Variants in ATXN8OS observed in about 807,000 individuals in gnomAD.
The protein encoded by ATXN8OS is ATXN8 opposite strand (non-protein coding).
intron 2 of ATXN8OS, among the ~76,000 whole-genome samples, chr13:70,124,502 T>G (rs1215795894): frequency 6.6e-6 from 1 of 152,062 alleles, no homozygotes; most frequent in Non-Finnish European, 1.5e-5. Flanking sequence ...GACGGGAGTT[T>G]AGCAGTTACC....
chr13:70,130,505 G>T (rs549284433), intron 3 of ATXN8OS, among the ~76,000 whole-genome samples: 11 of 152,260 alleles, frequency 7.2e-5, no homozygotes, highest in African/African-American at 2.6e-4. Context: ...ATTGCAGGAA[G>T]AATGCGTGAT....
intron 2 of ATXN8OS, among the ~76,000 whole-genome samples, chr13:70,122,265 G>A (rs532090773): frequency 8.6e-5 from 13 of 151,898 alleles, no homozygotes; most frequent in South Asian, 6.2e-4. Context: ...TTCCTCTGAA[G>A]ATTAACTCAA....
rs533039887 is a variant in ATXN8OS at position 70,158,787 on chromosome 13, T to C, written n.574-10966T>C. Among the ~76,000 whole-genome samples the C allele has an allele frequency of 5.3e-5, 8 of 152,286 alleles. No individual in the cohort carries two copies. In the East Asian group the frequency reaches 1.5e-3, roughly 29 times the overall value. On this transcript the variant is annotated intron_variant and non_coding_transcript_variant, in intron 4 of 4. Transcript: ENST00000678624. The stretch of plus-strand genomic sequence containing the variant: ...TACTTTTCATATATCATGCAATATC[T>C]CTTGATTTTTGCCCTGACCGTTTAA...
intron 3 of ATXN8OS, among the ~76,000 whole-genome samples, chr13:70,141,140 C>T (rs535486559): frequency 3.9e-5 from 6 of 152,282 alleles, no homozygotes; most frequent in African/African-American, 1.2e-4. Flanking sequence ...CTAGTTCTTA[C>T]AGTAATTTTA....
intron 1 of ATXN8OS, chr13:70,108,203 A>G (rs1276281037): frequency 2.5e-6 from 1 of 395,686 alleles, no homozygotes; most frequent in Non-Finnish European, 4.4e-6. Context: ...GCAGAGAGAA[A>G]GAGCCCCAAG....
exon 1 of ATXN8OS, chr13:70,107,802 T>G (rs993877697): frequency 1.6e-5 from 13 of 836,836 alleles, no homozygotes; most frequent in Non-Finnish European, 2.0e-5. Context: ...AGAGGCGGGA[T>G]GCGCCCTCTG....
chr13:70,169,856 C>G (rs1472979583), exon 5 of ATXN8OS, among the ~76,000 whole-genome samples: 3 of 151,976 alleles, frequency 2.0e-5, no homozygotes, highest in Admixed American at 2.0e-4. Context: ...CTATTTGGGA[C>G]AAATATGAAG....
At chr13:70,144,712 T>C (rs1456912887) in intron 3 of ATXN8OS, among the ~76,000 whole-genome samples, 2 of 152,162 alleles carry the variant, frequency 1.3e-5, no homozygotes, top group Non-Finnish European at 2.9e-5. Context: ...ATTCATCTTA[T>C]CAATTTATTA....
intron 4 of ATXN8OS, among the ~76,000 whole-genome samples, chr13:70,148,031 G>A (rs1011510472): frequency 6.6e-6 from 1 of 152,152 alleles, no homozygotes; most frequent in Non-Finnish European, 1.5e-5. Context: ...CTGAAGAGTT[G>A]AAGTCAGCTT....
intron 4 of ATXN8OS, among the ~76,000 whole-genome samples, chr13:70,162,350 T>G (rs1593778344): frequency 6.6e-6 from 1 of 152,080 alleles, no homozygotes; most frequent in South Asian, 2.1e-4. Context: ...CTGAAGAACC[T>G]TTAGAGGAAG....
chr13:70,164,596 G>T (rs2137506831), intron 4 of ATXN8OS, among the ~76,000 whole-genome samples: 1 of 152,108 alleles, frequency 6.6e-6, no homozygotes, highest in Non-Finnish European at 1.5e-5. Context: ...ATAAGTGAAG[G>T]ATAAAATGTT....
intron 3 of ATXN8OS, chr13:70,130,588 G>A (rs1462858480): frequency 7.6e-6 from 3 of 397,284 alleles, no homozygotes; most frequent in Non-Finnish European, 1.3e-5. Flanking sequence ...TACCAATGGT[G>A]GGTGTGAGTT....
chr13:70,107,552 C>T, upstream of ATXN8OS: 2 of 1,608,830 alleles, frequency 1.2e-6, no homozygotes, highest in Non-Finnish European at 1.7e-6. Flanking sequence ...TGGCTGGGTC[C>T]CCAGTGCTCA....
intron 4 of ATXN8OS, among the ~76,000 whole-genome samples, chr13:70,163,196 T>A (rs1440399321): frequency 6.6e-6 from 1 of 152,154 alleles, no homozygotes; most frequent in Non-Finnish European, 1.5e-5. Context: ...TTAGCTCATT[T>A]AATAATCCAA....
intron 4 of ATXN8OS, among the ~76,000 whole-genome samples, chr13:70,159,283 A>G (rs925693387): frequency 2.6e-5 from 4 of 151,998 alleles, no homozygotes; most frequent in African/African-American, 7.2e-5. Flanking sequence ...TTTTCTATGT[A>G]CAAAATCATG....
rs527505289 is a variant in ATXN8OS, at chr13:70,125,785, GCA to G, written n.399-3996_399-3995del. 7.8e-4 allele frequency among the ~76,000 whole-genome samples: 118 copies of G among 152,242 alleles called. 1 individual carries two copies. The highest frequency in any genetic ancestry group is 2.7e-3 in the African/African-American group (111 of 41,552). ...TTGATGCCAGGGATGTTTCACTGATGCACAGTCAGCTGGTCTGTGCTGGCTTC... is the reference window on the plus strand; with the variant it reads ...TTGATGCCAGGGATGTTTCACTGATGCAGTCAGCTGGTCTGTGCTGGCTTC... On this transcript the variant is annotated intron_variant and non_coding_transcript_variant, in intron 2 of 4. Coordinates refer to ENST00000678624, the Ensembl canonical transcript of ATXN8OS.
intron 4 of ATXN8OS, among the ~76,000 whole-genome samples, chr13:70,153,014 C>CTGTGTGTGTGTGTGTG (rs66574752): frequency 7.1e-5 from 10 of 141,804 alleles, no homozygotes; most frequent in African/African-American, 1.3e-4. Flanking sequence ...TAAGAAAAAA[C>CTGTGTGTGTGTGTGTG]TGTGTGTGTG....
intron 4 of ATXN8OS, among the ~76,000 whole-genome samples, chr13:70,156,271 T>C (rs1168285900): frequency 7.0e-6 from 1 of 143,190 alleles, no homozygotes; most frequent in Non-Finnish European, 1.6e-5. Flanking sequence ...GTGTGTGTGT[T>C]TATATTGGTT....
rs529032949 is a variant in ATXN8OS, at chr13:70,148,622, T to C, written n.573+1194T>C. On this transcript the variant is annotated intron_variant and non_coding_transcript_variant, in intron 4 of 4. Transcript: ENST00000678624. ...TAAAAAGAAAAATTATTTTTCTACA[T>C]TCCTTTTTCTCTAATAATATTTTTA... Among the ~76,000 whole-genome samples the C allele has an allele frequency of 5.5e-4, 84 of 152,260 alleles. 1 individual carries two copies. The highest frequency in any genetic ancestry group is 6.8e-3 in the Middle Eastern group (2 of 294).
Sources: gnomAD v4.1 joint callset for allele counts (sites outside exome capture counted in the v4.1 genomes callset) on GRCh38, gnomAD v4.1.1 for gene constraint, MANE v1.5 for transcripts, NCBI Gene and HGNC (gene_info 2026-07-23, HGNC 2026-07-21) for gene names.